Variants in COP1 observed in about 807,000 individuals in gnomAD.
The protein encoded by COP1 is E3 ubiquitin-protein ligase COP1.
In COP1, 24 loss-of-function variants were observed where a neutral mutation model predicts 101.3. The ratio of observed to expected loss-of-function variants is 0.24; its 90% CI spans 0.17 to 0.33. The LOEUF (loss-of-function observed/expected upper bound fraction) is 0.33. Ranked by LOEUF, COP1 falls within the 10% of genes least tolerant of loss-of-function variation. The pLI is 1.00. For synonymous variants in COP1, 347 were observed against 341.9 expected (o/e 1.01, Z -0.17); for missense variants, 663 against 906.2 (o/e 0.73, Z 3.45).
At chr1:176,200,140 A>G (rs576168542) in intron 1 of COP1, among the ~76,000 whole-genome samples, 3 of 152,332 alleles carry the variant, frequency 2.0e-5, no homozygotes, top group South Asian at 2.1e-4. Flanking sequence ...AATGGGAACT[A>G]TAAGAGTATC....
intron 15 of COP1, among the ~76,000 whole-genome samples, chr1:176,004,494 T>C (rs1308870491): frequency 1.3e-5 from 2 of 149,432 alleles, no homozygotes; most frequent in African/African-American, 2.5e-5. Flanking sequence ...GGGTTTGTCA[T>C]AGATAGTTCT....
intron 3 of COP1, among the ~76,000 whole-genome samples, chr1:176,165,463 G>C (rs1464172582): frequency 6.6e-6 from 1 of 151,480 alleles, no homozygotes; most frequent in Non-Finnish European, 1.5e-5. Flanking sequence ...GGGAGGCCAA[G>C]GTGGGTGGAT....
At chr1:176,095,490 C>T (rs919273140) in intron 9 of COP1, among the ~76,000 whole-genome samples, 3 of 152,072 alleles carry the variant, frequency 2.0e-5, no homozygotes, top group Admixed American at 1.3e-4. Flanking sequence ...GACCAGCCTG[C>T]GCAGCATGGC....
chr1:175,999,059 A>G (rs1227351456), intron 15 of COP1, among the ~76,000 whole-genome samples: 2 of 152,116 alleles, frequency 1.3e-5, no homozygotes, highest in African/African-American at 4.8e-5. Flanking sequence ...TTAACTGAGC[A>G]TTGTGGACAG....
chr1:176,202,185 CTTTTTTTT>C (rs11367274), intron 1 of COP1, among the ~76,000 whole-genome samples: 2 of 96,390 alleles, frequency 2.1e-5, no homozygotes, highest in Non-Finnish European at 4.3e-5. Flanking sequence ...TTCTAGTTCA[CTTTTTTTT>C]TTTTTTTTTT....
chr1:176,158,222 TC>T (rs2149901053), intron 5 of COP1, among the ~76,000 whole-genome samples: 1 of 152,306 alleles, frequency 6.6e-6, no homozygotes, highest in Admixed American at 6.5e-5. Context: ...AGCAGACTTT[TC>T]ATCTGAAACA....
Position 176,183,447 on chromosome 1 carries a change from A to G in COP1, c.467+1186T>C, listed in dbSNP as rs192420166. Among the ~76,000 whole-genome samples the G allele has an allele frequency of 2.8e-3, 432 of 152,362 alleles. 1 individual carries two copies. The highest frequency in any genetic ancestry group is 5.2e-3 in the Non-Finnish European group (351 of 68,024). ...ATGGCTACTATCAAAAACCAACAACAGAAAATAAGAGTTGGCAAGGATGTG... is the reference window on the plus strand; with the variant it reads ...ATGGCTACTATCAAAAACCAACAACGGAAAATAAGAGTTGGCAAGGATGTG... On this transcript the variant is annotated intron_variant, in intron 2 of 19. Coordinates refer to ENST00000367669, the MANE Select transcript of COP1 (RefSeq NM_022457.7).
Position 175,993,474 on chromosome 1 carries a change from G to A in COP1, c.1730-3995C>T, listed in dbSNP as rs142111001. 7.5e-3 allele frequency among the ~76,000 whole-genome samples: 1,136 copies of A among 152,252 alleles called. 1 individual carries two copies. The highest frequency in any genetic ancestry group is 0.012 in the Non-Finnish European group (818 of 68,024). On this transcript the variant is annotated intron_variant, in intron 15 of 19. Transcript: ENST00000367669. The stretch of plus-strand genomic sequence containing the variant: ...CTACAGGAGGAAACTTAAACCAAAG[G>A]CAAAGAAGTTGAAAACTTTGAAAAA...
chr1:176,087,303 T>G (rs543345523), intron 9 of COP1, among the ~76,000 whole-genome samples: 1 of 152,116 alleles, frequency 6.6e-6, no homozygotes, highest in Admixed American at 6.6e-5. Context: ...AAAGAAACTA[T>G]CATCAGAGTG....
At chr1:176,159,490 C>G (rs1693964040) in intron 5 of COP1, among the ~76,000 whole-genome samples, 1 of 152,120 alleles carries the variant, frequency 6.6e-6, no homozygotes, top group Admixed American at 6.5e-5. Context: ...AATGTGCACA[C>G]ATACCCTAAT....
Position 175,956,494 on chromosome 1 carries a change from GA to G in COP1, c.2134-9256del, listed in dbSNP as rs146282869. On this transcript the variant is annotated intron_variant, in intron 18 of 19. Coordinates refer to ENST00000367669, the MANE Select transcript of COP1 (RefSeq NM_022457.7). ...GATGCAAAAAACATGTACAATAAAGGAAAAAAAAAACCCTGATAAATTGGAC... is the reference window on the plus strand; with the variant it reads ...GATGCAAAAAACATGTACAATAAAGGAAAAAAAAACCCTGATAAATTGGAC... 1.6e-3 allele frequency among the ~76,000 whole-genome samples: 235 copies of G among 144,380 alleles called. 2 individuals carry two copies. The highest frequency in any genetic ancestry group is 7.6e-3 in the Admixed American group (110 of 14,520). The allele number at this position is 144,380 out of a possible 152,430, so 94.7% of individuals were successfully genotyped here.
chr1:175,988,328 G>GT lies in COP1; in HGVS notation c.1931dup (p.Asn644LysfsTer17). On this transcript the variant is annotated frameshift_variant, in exon 17 of 20. Coordinates refer to ENST00000367669, the MANE Select transcript of COP1 (RefSeq NM_022457.7). LOFTEE classifies it high-confidence loss of function. The stretch of plus-strand genomic sequence containing the variant: ...CTCCATTGGAAGCCAGGCCTACAAA[G>GT]TTTTTTTCATTGATATGACCCTTGA... The GT allele has an allele frequency of 6.2e-7, 1 of 1,612,268 alleles. No individual in the cohort carries two copies. Among genetic ancestry groups the GT allele is most frequent in the Non-Finnish European group, 8.5e-7 (1 of 1,178,692 alleles).
intron 11 of COP1, among the ~76,000 whole-genome samples, chr1:176,049,205 A>G (rs954597975): frequency 6.7e-6 from 1 of 149,310 alleles, no homozygotes; most frequent in Non-Finnish European, 1.5e-5. Flanking sequence ...AAAAAAAAAG[A>G]ATTAAGATGA....
At chr1:176,142,169 A>G (rs1455871580) in intron 6 of COP1, among the ~76,000 whole-genome samples, 2 of 152,182 alleles carry the variant, frequency 1.3e-5, no homozygotes, top group Non-Finnish European at 2.9e-5. Context: ...CAGTAGGCTG[A>G]TAAGTTACAA....
At chr1:176,189,928 T>C (rs1698936491) in intron 1 of COP1, among the ~76,000 whole-genome samples, 1 of 151,828 alleles carries the variant, frequency 6.6e-6, no homozygotes, top group South Asian at 2.1e-4. Context: ...AAAGAATTAT[T>C]TTAAAAGGGA....
intron 1 of COP1, among the ~76,000 whole-genome samples, chr1:176,191,849 GC>G (rs1431957796): frequency 6.6e-6 from 1 of 152,126 alleles, no homozygotes. Context: ...GTTTAACATT[GC>G]CTTAAGTCAC....
At position 176,163,002 on chromosome 1, in the gene COP1, AAG is replaced by A; in HGVS notation, c.643-16_643-15del. 6.3e-7 allele frequency: 1 copy of A among 1,589,104 alleles called. No individual in the cohort carries two copies. Among genetic ancestry groups the A allele is most frequent in the Non-Finnish European group, 8.5e-7 (1 of 1,171,156 alleles). Reference sequence around the variant, plus strand: ...CCTGTGGCCATTCTAAAAATGAAGAAAGAAGAAACACAACAACTTCCTATGAA... The same window carrying A: ...CCTGTGGCCATTCTAAAAATGAAGAAAAGAAACACAACAACTTCCTATGAA... On this transcript the variant is annotated splice_polypyrimidine_tract_variant and intron_variant, in intron 4 of 19. Coordinates refer to ENST00000367669, the MANE Select transcript of COP1 (RefSeq NM_022457.7).
At chr1:176,133,160 A>G (rs12724558) in intron 8 of COP1, among the ~76,000 whole-genome samples, 42,669 of 138,176 alleles carry the variant, frequency 0.31, 7,908 homozygotes, top group Middle Eastern at 0.39. Flanking sequence ...GTACATATAT[A>G]TACGTATGTA....
intron 8 of COP1, among the ~76,000 whole-genome samples, chr1:176,121,365 C>A (rs1005729100): frequency 2.6e-5 from 4 of 151,986 alleles, no homozygotes; most frequent in African/African-American, 9.7e-5. Context: ...TTGTTTTATT[C>A]CACATACCCT....
Sources: allele counts gnomAD v4.1 joint callset (sites outside exome capture counted in the v4.1 genomes callset), GRCh38; gene constraint gnomAD v4.1.1; transcripts MANE v1.5; gene names NCBI Gene and HGNC (gene_info 2026-07-23, HGNC 2026-07-21).